The following USH2A variants were observed in gnomAD, a reference collection of about 807,000 sequenced individuals.
USH2A encodes usherin, also known as Usher syndrome 2A (autosomal recessive, mild).
USH2A carries 443 observed loss-of-function variants against 538.9 expected under a neutral mutation model. That is an observed-to-expected ratio of 0.82 (90% CI 0.76 to 0.89). USH2A has a LOEUF of 0.89. USH2A is among the 40% of genes least tolerant of loss of function. The probability of loss-of-function intolerance (pLI) is 0.00; values close to 1 mark genes in which losing one functional copy is unlikely to be tolerated. For missense variants in USH2A, 6,633 were observed against 6,324.8 expected (o/e 1.05, Z -1.65); for synonymous variants, 2,413 against 2,273.5 (o/e 1.06, Z -1.75).
rs111749410 is a variant in USH2A, at chr1:216,129,761, C to CA, written c.4628-32549dup. 4.7e-3 allele frequency among the ~76,000 whole-genome samples: 712 copies of CA among 151,874 alleles called. 2 individuals are homozygous for CA. Among genetic ancestry groups the CA allele is most frequent in the African/African-American group, 0.016 (683 of 41,470 alleles). ...CTAGAACAGTCCAAGACATCCTGAG[C>CA]AAAAAATAACAAAGCTGGAAGCATC... On this transcript the variant is annotated intron_variant, in intron 21 of 71. Transcript: ENST00000307340.
Position 215,671,004 on chromosome 1 carries a change from C to T in USH2A, c.14101G>A (p.Glu4701Lys), listed in dbSNP as rs372966682. ...NGSSTSFIDSELLPFTEYEYQ... is the reference protein window; with the variant it reads ...NGSSTSFIDSKLLPFTEYEYQ... ...TCATACTCTGTGAAAGGCAATAGTT[C>T]GGAATCTATAAAAGATGTTGAGCTT... Residue 4701 changes from glutamate (E) to lysine (K), a missense_variant, in exon 64 of 72, where the codon GAA becomes AAA. By Grantham distance (56) the Glu-to-Lys change is moderately conservative. Coordinates refer to ENST00000307340, the MANE Select transcript of USH2A (RefSeq NM_206933.4). The T allele has an allele frequency of 1.0e-4, 165 of 1,614,112 alleles. No individual in the cohort carries two copies. The highest frequency in any genetic ancestry group is 1.0e-4 in the Non-Finnish European group (118 of 1,180,010).
At chr1:215,917,247 T>C (rs1327743261) in intron 38 of USH2A, among the ~76,000 whole-genome samples, 2 of 152,084 alleles carry the variant, frequency 1.3e-5, no homozygotes, top group East Asian at 1.9e-4. Flanking sequence ...GACATTTGAA[T>C]TCGTCTTAGT....
At position 215,919,544 on chromosome 1, in the gene USH2A, T is replaced by A. The variant is rs1157918505; in HGVS notation, c.7300+15072A>T. 3.9e-5 allele frequency among the ~76,000 whole-genome samples: 6 copies of A among 152,030 alleles called. No individual in the cohort carries two copies. The South Asian group carries it at 1.2e-3, about 31-fold the overall frequency. On this transcript the variant is annotated intron_variant, in intron 38 of 71. Transcript: ENST00000307340. The stretch of plus-strand genomic sequence containing the variant: ...CACTCTTTATGAGCACAATAACATA[T>A]GAGTGTAGTGTGTAGTATTTGTGTA...
intron 32 of USH2A, among the ~76,000 whole-genome samples, chr1:216,016,518 G>T (rs540754424): frequency 6.6e-6 from 1 of 152,094 alleles, no homozygotes; most frequent in East Asian, 1.9e-4. Flanking sequence ...TGAAAACCCT[G>T]TTCAATGTTT....
intron 3 of USH2A, among the ~76,000 whole-genome samples, chr1:216,389,183 A>G (rs2039056325): frequency 6.6e-6 from 1 of 152,206 alleles, no homozygotes; most frequent in African/African-American, 2.4e-5. Context: ...CAATTCCCAT[A>G]TGTGTAACAA....
chr1:216,124,820 A>G (rs561664029), intron 21 of USH2A, among the ~76,000 whole-genome samples: 24 of 152,298 alleles, frequency 1.6e-4, no homozygotes. Flanking sequence ...CCAAAAATTC[A>G]GTTTAATTAA....
Position 215,696,911 on chromosome 1 carries a change from C to T in USH2A, c.12067-16535G>A, listed in dbSNP as rs140627243. ...GGTAGCAGATCTCAGTGAGAGGATG[C>T]CGTGGTCATATTAAAACACTTCCAT... is the stretch of plus-strand genomic sequence containing the variant. On this transcript the variant is annotated intron_variant, in intron 61 of 71. Transcript: ENST00000307340. 3.1e-3 allele frequency among the ~76,000 whole-genome samples: 478 copies of T among 152,096 alleles called. 3 individuals are homozygous for T. Among genetic ancestry groups the T allele is most frequent in the Middle Eastern group, 6.8e-3 (2 of 294 alleles).
intron 30 of USH2A, among the ~76,000 whole-genome samples, chr1:216,064,472 A>G (rs1234492161): frequency 2.0e-5 from 3 of 151,910 alleles, no homozygotes; most frequent in African/African-American, 2.4e-5. Flanking sequence ...TGAAAATTCC[A>G]TGCAGAGAGT....
chr1:216,370,374 A>C (rs1272862541), intron 3 of USH2A, among the ~76,000 whole-genome samples: 1 of 151,122 alleles, frequency 6.6e-6, no homozygotes, highest in Non-Finnish European at 1.5e-5. Flanking sequence ...AAAGAAAAAA[A>C]AGAAAAAAAG....
intron 38 of USH2A, among the ~76,000 whole-genome samples, chr1:215,905,137 C>T (rs1665605018): frequency 6.6e-6 from 1 of 152,046 alleles, no homozygotes. Context: ...TGGGAGTGAG[C>T]TCTCAAAGGC....
chr1:216,184,835 C>CA (rs1236795519), intron 20 of USH2A, among the ~76,000 whole-genome samples: 12 of 152,056 alleles, frequency 7.9e-5, no homozygotes, highest in African/African-American at 2.4e-4. Flanking sequence ...CAGCAGCAAA[C>CA]AGCCTATACA....
intron 32 of USH2A, among the ~76,000 whole-genome samples, chr1:216,039,814 G>GT (rs1558226035): frequency 1.3e-5 from 2 of 151,776 alleles, no homozygotes; most frequent in Admixed American, 1.3e-4. Flanking sequence ...ATTTCCCATC[G>GT]TAAGACTTAA....
chr1:215,628,056 A>T (rs556229506), intron 71 of USH2A, among the ~76,000 whole-genome samples: 96 of 152,242 alleles, frequency 6.3e-4, no homozygotes, highest in Non-Finnish European at 9.1e-4. Context: ...ATAAATAGTA[A>T]CACCCTCATT....
rs147469144 is a variant in USH2A, at chr1:216,259,202, T to C, written c.1972-8104A>G. On this transcript the variant is annotated intron_variant, in intron 11 of 71. Transcript: ENST00000307340. ...TGGATGGAGATTAGCAGAGGTGAAA[T>C]GCACACTGCGATGTTTAGAAGCTTA... Among the ~76,000 whole-genome samples, 22 of 152,170 alleles carry C rather than the reference T, an allele frequency of 1.4e-4. No individual in the cohort carries two copies. The East Asian group carries it at 4.2e-3, about 29-fold the overall frequency.
At chr1:216,254,805 G>A (rs1164698921) in intron 11 of USH2A, among the ~76,000 whole-genome samples, 1 of 152,114 alleles carries the variant, frequency 6.6e-6, no homozygotes, top group African/African-American at 2.4e-5. Flanking sequence ...GAAGAGGTTG[G>A]ACAAGCCAGT....
chr1:216,196,870 A>G (rs1056040364), intron 18 of USH2A, 148 bp from the exon 19 acceptor site: 1 of 943,186 alleles, frequency 1.1e-6, no homozygotes, highest in African/African-American at 1.6e-5. Context: ...ATATGCTGGT[A>G]TATGTAAAAG....
At chr1:215,690,207 CACTT>C (rs1331834604) in intron 61 of USH2A, among the ~76,000 whole-genome samples, 1 of 152,138 alleles carries the variant, frequency 6.6e-6, no homozygotes, top group Admixed American at 6.5e-5. Flanking sequence ...TACCACCTGA[CACTT>C]AGTGCTGGCC....
chr1:216,253,624 C>A (rs1216633142), intron 11 of USH2A, among the ~76,000 whole-genome samples: 1 of 152,168 alleles, frequency 6.6e-6, no homozygotes, highest in African/African-American at 2.4e-5. Context: ...ATTTCGTAGT[C>A]GCCCTGACCC....
chr1:215,778,119 T>C (rs1032022965), intron 55 of USH2A, among the ~76,000 whole-genome samples: 6 of 151,606 alleles, frequency 4.0e-5, no homozygotes, highest in African/African-American at 1.5e-4. Context: ...TGGTGTAATC[T>C]CAGCTCACTG....
Sources: gnomAD v4.1 joint callset for allele counts (sites outside exome capture counted in the v4.1 genomes callset) on GRCh38, gnomAD v4.1.1 for gene constraint, MANE v1.5 for transcripts, NCBI Gene and HGNC (gene_info 2026-07-23, HGNC 2026-07-21) for gene names.